The following NEK10 variants were observed in gnomAD, a reference collection of about 807,000 sequenced individuals.
NEK10 encodes the protein serine/threonine-protein kinase Nek10.
A neutral mutation model predicts 159.8 loss-of-function variants in NEK10; 122 were observed. That is an observed-to-expected ratio of 0.76 (90% CI 0.66 to 0.89). The LOEUF (loss-of-function observed/expected upper bound fraction) is 0.89. Ranked by LOEUF, NEK10 falls within the 40% of genes least tolerant of loss-of-function variation. The probability of loss-of-function intolerance (pLI) is 0.00; values close to 1 mark genes in which losing one functional copy is unlikely to be tolerated. For missense variants in NEK10, 1,342 were observed against 1,323.1 expected (o/e 1.01, Z -0.22); for synonymous variants, 466 against 457.1 (o/e 1.02, Z -0.25).
At chr3:27,305,788 G>T (rs1206356888) in intron 11 of NEK10, among the ~76,000 whole-genome samples, 1 of 152,082 alleles carries the variant, frequency 6.6e-6, no homozygotes, top group Non-Finnish European at 1.5e-5. Context: ...TAAATTGATG[G>T]TAAAGACACA....
chr3:27,260,581 T>C lies in NEK10; in HGVS notation c.2015-4210A>G, dbSNP rs563428993. On this transcript the variant is annotated intron_variant, in intron 22 of 35. Transcript: ENST00000691995. ...CCCAGGGATGAAGCCCACTTGATCATGGTGGATAAGCTTTTGGATGTGCTG... is the reference window on the plus strand; with the variant it reads ...CCCAGGGATGAAGCCCACTTGATCACGGTGGATAAGCTTTTGGATGTGCTG... Among the ~76,000 whole-genome samples, 3 of 152,300 alleles carry C rather than the reference T, an allele frequency of 2.0e-5. No individual in the cohort carries two copies. The East Asian group carries it at 5.8e-4, about 29-fold the overall frequency.
At position 27,226,353 on chromosome 3, in the gene NEK10, T is replaced by TA. The variant is rs201744080; in HGVS notation, c.2091-23797dup. Reference sequence around the variant, plus strand: ...AGCCACCGTGCCTGGCCACAGTTTTTAAAAAAAAGAAAGAAAGAAAGAAAG... The same window carrying TA: ...AGCCACCGTGCCTGGCCACAGTTTTTAAAAAAAAAGAAAGAAAGAAAGAAAG... On this transcript the variant is annotated intron_variant, in intron 23 of 35. Transcript: ENST00000691995. Among the ~76,000 whole-genome samples the TA allele has an allele frequency of 3.1e-3, 462 of 150,514 alleles. 3 individuals are homozygous for TA. Among genetic ancestry groups the TA allele is most frequent in the African/African-American group, 0.01 (422 of 40,934 alleles).
At chr3:27,249,050 GAC>G (rs1474538637) in intron 23 of NEK10, among the ~76,000 whole-genome samples, 1 of 152,176 alleles carries the variant, frequency 6.6e-6, no homozygotes, top group Non-Finnish European at 1.5e-5. Flanking sequence ...TCAAGGGAGA[GAC>G]CAGGTGGAGG....
intron 24 of NEK10, 26 bp downstream of exon 24, chr3:27,202,402 C>A: frequency 1.9e-6 from 3 of 1,588,892 alleles, no homozygotes; most frequent in Non-Finnish European, 2.6e-6. Flanking sequence ...CTACACGAGA[C>A]CCTTCTGTCT....
intron 19 of NEK10, among the ~76,000 whole-genome samples, chr3:27,289,688 C>T (rs1405320030): frequency 6.6e-6 from 1 of 152,184 alleles, no homozygotes; most frequent in African/African-American, 2.4e-5. Context: ...CTGTTCTAGC[C>T]TTGTGCTACA....
At chr3:27,339,799 C>T (rs1575821752) in intron 5 of NEK10, among the ~76,000 whole-genome samples, 1 of 148,110 alleles carries the variant, frequency 6.8e-6, no homozygotes, top group African/African-American at 2.5e-5. Context: ...AAAAAAAACC[C>T]ACAATGAGAT....
intron 30 of NEK10, among the ~76,000 whole-genome samples, chr3:27,145,019 T>C (rs1944159378): frequency 6.6e-6 from 1 of 152,150 alleles, no homozygotes; most frequent in Non-Finnish European, 1.5e-5. Flanking sequence ...TGTTATTAAC[T>C]GCCAAACATT....
intron 20 of NEK10, among the ~76,000 whole-genome samples, chr3:27,286,680 G>A (rs1452112808): frequency 1.3e-5 from 2 of 150,800 alleles, no homozygotes; most frequent in East Asian, 2.0e-4. Flanking sequence ...GTGAGCCACC[G>A]TGCCCGGCCG....
intron 31 of NEK10, among the ~76,000 whole-genome samples, chr3:27,132,585 A>G (rs1403619611): frequency 6.6e-6 from 1 of 152,200 alleles, no homozygotes; most frequent in Non-Finnish European, 1.5e-5. Flanking sequence ...GTAAGTGAGT[A>G]GTAGAAAGTC....
chr3:27,263,480 C>T (rs981602612), intron 22 of NEK10, among the ~76,000 whole-genome samples: 15 of 152,266 alleles, frequency 9.9e-5, no homozygotes, highest in South Asian at 2.1e-4. Context: ...TTGAGCTTCC[C>T]GGCTGCTTTG....
intron 32 of NEK10, among the ~76,000 whole-genome samples, chr3:27,124,112 G>C (rs1331117108): frequency 3.9e-5 from 6 of 152,100 alleles, no homozygotes; most frequent in Non-Finnish European, 8.8e-5. Flanking sequence ...GAACATCAGG[G>C]TGAATGCAGA....
chr3:27,257,400 C>T (rs547141894), intron 22 of NEK10, among the ~76,000 whole-genome samples: 11 of 152,262 alleles, frequency 7.2e-5, no homozygotes, highest in Admixed American at 5.2e-4. Flanking sequence ...TTCTCAATAT[C>T]ATGTTGTAAA....
intron 30 of NEK10, 108 bp downstream of exon 30, chr3:27,162,593 G>A (rs1553650041): frequency 6.2e-7 from 1 of 1,614,020 alleles, no homozygotes; most frequent in Non-Finnish European, 8.5e-7. Context: ...AGGTCAAGAG[G>A]CAGCAAAGCT....
rs12494966 is a variant in NEK10, at chr3:27,352,928, T to G, written c.-37-9A>C. On this transcript the variant is annotated splice_polypyrimidine_tract_variant and intron_variant, in intron 1 of 35. Transcript: ENST00000691995. The stretch of plus-strand genomic sequence containing the variant: ...GAATTAACATCGCATTCCTTTAAAA[T>G]TAAACCAGAGGGAAAATTTTAGTTG... 393,862 of 1,440,734 alleles carry G rather than the reference T, an allele frequency of 0.27. 55,892 individuals carry two copies. Among genetic ancestry groups the G allele is most frequent in the Middle Eastern group, 0.42 (2,404 of 5,686 alleles). 89.2% of individuals were successfully genotyped at this position (1,440,734 alleles called of 1,614,324 possible).
intron 3 of NEK10, among the ~76,000 whole-genome samples, chr3:27,351,947 T>C (rs1310772591): frequency 1.3e-5 from 2 of 151,914 alleles, no homozygotes; most frequent in Admixed American, 6.6e-5. Flanking sequence ...AGAAGTACCA[T>C]TTTTTCTCTA....
At chr3:27,264,379 C>T (rs1156630430) in intron 22 of NEK10, among the ~76,000 whole-genome samples, 1 of 152,060 alleles carries the variant, frequency 6.6e-6, no homozygotes, top group Non-Finnish European at 1.5e-5. Flanking sequence ...AACACAGACA[C>T]AAAAATTATT....
At position 27,311,024 on chromosome 3, in the gene NEK10, G is replaced by A. The variant is rs763237952; in HGVS notation, c.569-8C>T. ...CAAGTTTTTGAAAAATATCTATAAA[G>A]GAAAGAAAGAGCGCAAAGAGGCATC... On this transcript the variant is annotated splice_polypyrimidine_tract_variant and splice_region_variant and intron_variant, in intron 8 of 35. Transcript: ENST00000691995. 2 of 1,596,196 alleles carry A rather than the reference G, an allele frequency of 1.3e-6. No homozygotes were observed. Among genetic ancestry groups the A allele is most frequent in the African/African-American group, 1.3e-5 (1 of 74,506 alleles).
intron 26 of NEK10, among the ~76,000 whole-genome samples, chr3:27,190,107 T>C (rs1217550125): frequency 6.6e-6 from 1 of 152,202 alleles, no homozygotes; most frequent in African/African-American, 2.4e-5. Context: ...TTTAAAGTCA[T>C]ACAATATATT....
intron 23 of NEK10, among the ~76,000 whole-genome samples, chr3:27,236,513 T>C (rs1008093125): frequency 4.6e-5 from 7 of 152,110 alleles, no homozygotes; most frequent in African/African-American, 1.7e-4. Flanking sequence ...GTAGGTTCTA[T>C]TTTCCCTAAG....
Sources: allele counts gnomAD v4.1 joint callset (sites outside exome capture counted in the v4.1 genomes callset), GRCh38; gene constraint gnomAD v4.1.1; transcripts MANE v1.5; gene names NCBI Gene and HGNC (gene_info 2026-07-23, HGNC 2026-07-21).